UBE3B: variants seen among roughly 807,000 people sequenced by gnomAD.
UBE3B encodes ubiquitin-protein ligase E3B.
Under a neutral mutation model 132.3 loss-of-function variants are expected in UBE3B, and 80 were observed. That is an observed-to-expected ratio of 0.60 (90% CI 0.50 to 0.73). UBE3B has a LOEUF of 0.73. Ranked by LOEUF, UBE3B falls within the 30% of genes least tolerant of loss-of-function variation. The pLI is 0.00. For missense variants in UBE3B, 1,196 were observed against 1,362.5 expected, an observed-to-expected ratio of 0.88 and a Z score of 1.92; for synonymous variants, 487 against 520.4, an observed-to-expected ratio of 0.94 and a Z score of 0.87.
In UBE3B at chr12:109,524,262, T is replaced by C; in HGVS notation, c.2502+147T>C. ...CACATCCCCCTGTGGGCAGTCCCAC[T>C]TGGGGCTGATCCTCACAACCTCCTT... On this transcript the variant is annotated intron_variant, in intron 22 of 27. Transcript: ENST00000342494. The C allele has an allele frequency of 5.1e-6, 7 of 1,361,722 alleles. No homozygotes were observed. In the South Asian group the frequency reaches 8.0e-5, roughly 16 times the overall value. The allele number at this position is 1,361,722 out of a possible 1,614,324, so 84.4% of individuals were successfully genotyped here. A position where few individuals can be genotyped will look rare whatever the true frequency, so the allele number is the denominator to read the frequency against.
chr12:109,483,741 A>T, intron 3 of UBE3B, 29 bp downstream of exon 3: 1 of 1,575,472 alleles, frequency 6.3e-7, no homozygotes, highest in Non-Finnish European at 8.6e-7. Context: ...CTAGCACATG[A>T]TTCTCTGGCT....
intron 11 of UBE3B, 50 bp downstream of exon 11, chr12:109,498,403 C>T (rs201631937): frequency 1.9e-5 from 30 of 1,588,044 alleles, no homozygotes; most frequent in Admixed American, 8.7e-5. Context: ...TCAGGGAAAG[C>T]CCGAGTGTTT....
chr12:109,482,269 A>G (rs1875604208), intron 2 of UBE3B, among the ~76,000 whole-genome samples: 3 of 152,040 alleles, frequency 2.0e-5, no homozygotes, highest in South Asian at 4.1e-4. Flanking sequence ...CTTTTAGGGC[A>G]CCCATCACCC....
chr12:109,523,351 C>T (rs574971788), intron 21 of UBE3B, among the ~76,000 whole-genome samples: 12 of 152,238 alleles, frequency 7.9e-5, no homozygotes, highest in South Asian at 6.2e-4. Context: ...CTGTCCCTTC[C>T]CTGCTCAGAG....
downstream of UBE3B, among the ~76,000 whole-genome samples, chr12:109,537,392 C>T (rs545756740): frequency 1.3e-5 from 2 of 152,304 alleles, no homozygotes; most frequent in African/African-American, 4.8e-5. Context: ...TGTCCTGACC[C>T]TCGGCAGCTC....
downstream of UBE3B, among the ~76,000 whole-genome samples, chr12:109,539,892 C>T (rs1883573873): frequency 6.6e-6 from 1 of 151,982 alleles, no homozygotes; most frequent in African/African-American, 2.4e-5. Flanking sequence ...GTTGCAGTTC[C>T]ATCATGCTTT....
downstream of UBE3B, among the ~76,000 whole-genome samples, chr12:109,538,518 T>TGA (rs761302056): frequency 6.6e-6 from 1 of 152,148 alleles, no homozygotes; most frequent in Non-Finnish European, 1.5e-5. The surrounding 1 kb of genome is among the most constrained non-coding windows in gnomAD (Gnocchi z 4.1). Flanking sequence ...CCAGAGCACG[T>TGA]GAGGATTAAA....
In UBE3B at chr12:109,490,005, G is replaced by A; in HGVS notation, c.630+1G>A. On this transcript the variant is annotated splice_donor_variant, in intron 8 of 27. Transcript: ENST00000342494. LOFTEE classifies it high-confidence loss of function. ...GCATGGATTTTATTCTGTGCTGCAG[G>A]TCTGTGACTCCTGCCCCCCAGTGTG... is the stretch of plus-strand genomic sequence containing the variant. 1 of 1,614,086 alleles carries A rather than the reference G, an allele frequency of 6.2e-7. No homozygotes were observed. The highest frequency in any genetic ancestry group is 1.6e-4 in the Middle Eastern group (1 of 6,062).
rs372616845 is a variant in UBE3B at position 109,507,619 on chromosome 12, C to G, written c.1506C>G (p.Leu502=). ...LPKLWAFICE[L]GPHGGLKLFL... is the part of the protein sequence containing the mutation. Reference sequence around the variant, plus strand: ...AACTGTGGGCATTTATCTGTGAGCTCGGGCCCCACGGAGGGTTAAAGCTCT... The same window carrying G: ...AACTGTGGGCATTTATCTGTGAGCTGGGGCCCCACGGAGGGTTAAAGCTCT... Residue 502 remains leucine (L), a synonymous_variant, in exon 15 of 28, where the codon CTC becomes CTG. Coordinates refer to ENST00000342494, the MANE Select transcript of UBE3B (RefSeq NM_130466.4). The G allele has an allele frequency of 1.9e-6, 3 of 1,614,136 alleles. No homozygotes were observed. The highest frequency in any genetic ancestry group is 8.5e-7 in the Non-Finnish European group (1 of 1,180,018).
At chr12:109,506,226 G>C (rs562838379) in intron 14 of UBE3B, among the ~76,000 whole-genome samples, 1 of 152,254 alleles carries the variant, frequency 6.6e-6, no homozygotes, top group African/African-American at 2.4e-5. Context: ...CAAAGGTGGC[G>C]AGCCTGCAAG....
chr12:109,500,870 A>G (rs1446516286), intron 12 of UBE3B, among the ~76,000 whole-genome samples: 1 of 152,220 alleles, frequency 6.6e-6, no homozygotes, highest in Non-Finnish European at 1.5e-5. Flanking sequence ...ATGATGATCA[A>G]TGTGGGAACC....
chr12:109,504,861 G>A (rs1176334871), intron 14 of UBE3B, among the ~76,000 whole-genome samples: 1 of 151,302 alleles, frequency 6.6e-6, no homozygotes, highest in East Asian at 1.9e-4. Context: ...CTGTAGTGCA[G>A]TAGCGCAATC....
At position 109,501,239 on chromosome 12, in the gene UBE3B, ATCT is replaced by A. The variant is rs1470932884; in HGVS notation, c.1119-127_1119-125del. The stretch of plus-strand genomic sequence containing the variant: ...GTTAGTTCCACTTTTTATTTTTGTA[ATCT>A]TCTTTGCCATGTTGAGTGCCAGGTC... On this transcript the variant is annotated intron_variant, in intron 12 of 27. Transcript: ENST00000342494. 11 of 1,109,554 alleles carry A rather than the reference ATCT, an allele frequency of 9.9e-6. No homozygotes were observed. The East Asian group carries it at 1.9e-4, about 20-fold the overall frequency. 68.7% of individuals were successfully genotyped at this position (1,109,554 alleles called of 1,614,324 possible).
the UBE3B span, among the ~76,000 whole-genome samples, chr12:109,542,615 A>G: frequency 6.6e-6 from 1 of 152,318 alleles, no homozygotes; most frequent in Admixed American, 6.5e-5. Context: ...CCCTAATCCG[A>G]TGTGACTGGT....
chr12:109,512,047 A>T (rs1460921602), intron 18 of UBE3B, among the ~76,000 whole-genome samples: 1 of 152,148 alleles, frequency 6.6e-6, no homozygotes, highest in African/African-American at 2.4e-5. Context: ...GAAGAGCAGG[A>T]CTGGGACATG....
At chr12:109,479,727 TCAAC>T (rs1312051290) in intron 1 of UBE3B, among the ~76,000 whole-genome samples, 1 of 152,112 alleles carries the variant, frequency 6.6e-6, no homozygotes, top group Non-Finnish European at 1.5e-5. Context: ...TGAACAGAAA[TCAAC>T]CAATAACATT....
At chr12:109,536,762 CTG>C (rs1456097839), downstream of UBE3B, 1 of 152,222 alleles carries the variant, frequency 6.6e-6, no homozygotes, top group Non-Finnish European at 1.5e-5. Flanking sequence ...ACTTGGGTAT[CTG>C]GGCTTAGGGA....
rs1020494254 is a variant in UBE3B at position 109,521,679 on chromosome 12, C to T, written c.2364+128C>T. On this transcript the variant is annotated intron_variant, in intron 21 of 27. Transcript: ENST00000342494. The surrounding 1 kb of genome is among the most constrained non-coding windows in gnomAD (Gnocchi z 4.2). Reference sequence around the variant, plus strand: ...ACTAGGATACAAGCGAGGACAGGGGCAGGAACCAAGGTTTGTTGTACACCA... The same window carrying T: ...ACTAGGATACAAGCGAGGACAGGGGTAGGAACCAAGGTTTGTTGTACACCA... The T allele has an allele frequency of 1.2e-6, 1 of 835,804 alleles. No homozygotes were observed. The highest frequency in any genetic ancestry group is 2.5e-5 in the South Asian group (1 of 39,996). 51.8% of individuals were successfully genotyped at this position (835,804 alleles called of 1,614,324 possible). A position where few individuals can be genotyped will look rare whatever the true frequency, so the allele number is the denominator to read the frequency against.
Position 109,486,676 on chromosome 12 carries a change from C to A in UBE3B, c.447+101C>A. ...TCTGTATTTTCAGAGTCACTATCAACGAGAGTTGCTAGTTGAGCCACTGTT... is the reference window on the plus strand; with the variant it reads ...TCTGTATTTTCAGAGTCACTATCAAAGAGAGTTGCTAGTTGAGCCACTGTT... On this transcript the variant is annotated intron_variant, in intron 6 of 27. Coordinates refer to ENST00000342494, the MANE Select transcript of UBE3B (RefSeq NM_130466.4). The A allele has an allele frequency of 6.3e-6, 6 of 956,284 alleles. No individual in the cohort carries two copies. In the South Asian group the frequency reaches 8.8e-5, roughly 14 times the overall value. The allele number at this position is 956,284 out of a possible 1,614,324, so 59.2% of individuals were successfully genotyped here. A position where few individuals can be genotyped will look rare whatever the true frequency, so the allele number is the denominator to read the frequency against.
Sources: allele counts gnomAD v4.1 joint callset (sites outside exome capture counted in the v4.1 genomes callset), GRCh38; gene constraint gnomAD v4.1.1; non-coding constraint Gnocchi (gnomAD v3.1); transcripts MANE v1.5; gene names NCBI Gene and HGNC (gene_info 2026-07-23, HGNC 2026-07-21).